The following TTC7A variants were observed in gnomAD, a reference collection of about 807,000 sequenced individuals.
The protein encoded by TTC7A is tetratricopeptide repeat protein 7A.
In TTC7A, 110 loss-of-function variants were observed where a neutral mutation model predicts 103.7. The ratio of observed to expected loss-of-function variants is 1.06; its 90% CI spans 0.91 to 1.24. TTC7A has a LOEUF of 1.24. Among genes scored for constraint, TTC7A ranks in the 50% most tolerant of loss-of-function variants. TTC7A has a pLI of 0.00. For missense variants in TTC7A, 1,340 were observed against 1,116.3 expected (o/e 1.20, Z -2.86); for synonymous variants, 521 against 467.9 (o/e 1.11, Z -1.47).
At chr2:46,920,592 A>G (rs1159633397) in intron 2 of TTC7A, among the ~76,000 whole-genome samples, 1 of 151,896 alleles carries the variant, frequency 6.6e-6, no homozygotes, top group Non-Finnish European at 1.5e-5. Flanking sequence ...CAGCCTCCCA[A>G]AGTGCTGAGA....
intron 3 of TTC7A, among the ~76,000 whole-genome samples, chr2:46,971,175 A>G (rs1458463081): frequency 6.6e-6 from 1 of 152,240 alleles, no homozygotes; most frequent in Non-Finnish European, 1.5e-5. Flanking sequence ...GAAGGAGCCT[A>G]CAGTCTGGGG....
chr2:47,054,542 A>C (rs979341849), intron 18 of TTC7A, among the ~76,000 whole-genome samples: 1 of 152,092 alleles, frequency 6.6e-6, no homozygotes, highest in Admixed American at 6.6e-5. Flanking sequence ...ATTAAAAGTC[A>C]GGGGATCAGG....
intron 19 of TTC7A, among the ~76,000 whole-genome samples, chr2:47,070,259 G>A (rs1376434410): frequency 1.3e-5 from 2 of 152,252 alleles, no homozygotes; most frequent in East Asian, 3.8e-4. Context: ...GATGACCTGG[G>A]TCCCACAGGG....
intron 18 of TTC7A, 57 bp from the exon 19 acceptor site, chr2:47,060,712 C>G: frequency 1.3e-6 from 2 of 1,513,130 alleles, no homozygotes; most frequent in South Asian, 2.5e-5. Context: ...GGGAGGGGGT[C>G]AGGATGCCTC....
chr2:47,061,296 A>G (rs113599859), intron 19 of TTC7A, among the ~76,000 whole-genome samples: 2 of 152,278 alleles, frequency 1.3e-5, no homozygotes, highest in East Asian at 1.9e-4. Context: ...AAAGGCTCTC[A>G]TTGTTAACCA....
intron 14 of TTC7A, among the ~76,000 whole-genome samples, chr2:47,027,195 G>A (rs565465505): frequency 6.6e-6 from 1 of 152,336 alleles, no homozygotes; most frequent in South Asian, 2.1e-4. Context: ...TGGGGGAGAG[G>A]ATTCCCTGCA....
At chr2:47,064,585 G>A (rs1684039242) in intron 19 of TTC7A, among the ~76,000 whole-genome samples, 1 of 152,200 alleles carries the variant, frequency 6.6e-6, no homozygotes, top group African/African-American at 2.4e-5. Context: ...ACTCCTCTTG[G>A]AGCTTATCTC....
At chr2:47,071,534 G>A (rs895236192) in intron 19 of TTC7A, among the ~76,000 whole-genome samples, 3 of 152,182 alleles carry the variant, frequency 2.0e-5, no homozygotes, top group Admixed American at 6.5e-5. Context: ...CAAGAGCCCC[G>A]CGAGGAAGGA....
intron 1 of TTC7A, 57 bp from the exon 2 acceptor site, chr2:46,950,302 ACTCC>A: frequency 6.3e-7 from 1 of 1,587,298 alleles, no homozygotes; most frequent in Admixed American, 1.7e-5. Flanking sequence ...GGAGTGTGCA[ACTCC>A]CTCCATTATC....
At chr2:47,006,203 C>G in intron 9 of TTC7A, 144 bp downstream of exon 9, 1 of 1,043,642 alleles carries the variant, frequency 9.6e-7, no homozygotes, top group Non-Finnish European at 1.4e-6. Context: ...TTGTACAAGT[C>G]TCAGCTTCCT....
chr2:47,004,080 C>T (rs1244188786), intron 8 of TTC7A, among the ~76,000 whole-genome samples: 1 of 152,228 alleles, frequency 6.6e-6, no homozygotes, highest in East Asian at 1.9e-4. Flanking sequence ...CTTTGGAGCT[C>T]CTGAGTGGCT....
Position 47,025,666 on chromosome 2 carries a change from C to T in TTC7A, c.1641+1307C>T, listed in dbSNP as rs531844005. On this transcript the variant is annotated intron_variant, in intron 14 of 19. Transcript: ENST00000319190. Reference sequence around the variant, plus strand: ...TGTCTCCCTCTCCAGGTTCTTCTGTCTCAACCATTTTCTCCCCAACGGCCC... The same window carrying T: ...TGTCTCCCTCTCCAGGTTCTTCTGTTTCAACCATTTTCTCCCCAACGGCCC... Among the ~76,000 whole-genome samples the T allele has an allele frequency of 3.9e-5, 6 of 152,318 alleles. No homozygotes were observed. The South Asian group carries it at 1.2e-3, about 32-fold the overall frequency.
At chr2:46,928,936 G>A (rs1669547483) in intron 2 of TTC7A, among the ~76,000 whole-genome samples, 1 of 152,198 alleles carries the variant, frequency 6.6e-6, no homozygotes, top group South Asian at 2.1e-4. Flanking sequence ...GCTGAGGTGG[G>A]TGGATTACTT....
chr2:46,966,907 T>TTC (rs1221859316), intron 3 of TTC7A, among the ~76,000 whole-genome samples: 1 of 151,396 alleles, frequency 6.6e-6, no homozygotes, highest in East Asian at 1.9e-4. Context: ...TTTGTTTTTT[T>TTC]TTTTTCCGTT....
intron 3 of TTC7A, among the ~76,000 whole-genome samples, chr2:46,974,319 A>G (rs1015569514): frequency 1.3e-5 from 2 of 152,262 alleles, no homozygotes; most frequent in African/African-American, 4.8e-5. Context: ...CAGGGTCTGC[A>G]TGACTTGCCT....
intron 1 of TTC7A, among the ~76,000 whole-genome samples, chr2:46,945,453 T>A (rs1324971332): frequency 1.3e-5 from 2 of 152,260 alleles, no homozygotes; most frequent in African/African-American, 4.8e-5. Flanking sequence ...TTTCACCATG[T>A]TGGCCAGGAT....
chr2:47,067,447 T>A (rs1296614112), intron 19 of TTC7A, among the ~76,000 whole-genome samples: 1 of 152,220 alleles, frequency 6.6e-6, no homozygotes, highest in East Asian at 1.9e-4. Context: ...TTGGCCCACA[T>A]TTCCTTGTGA....
intron 3 of TTC7A, among the ~76,000 whole-genome samples, chr2:46,962,765 C>G (rs1672499933): frequency 6.6e-6 from 1 of 152,202 alleles, no homozygotes; most frequent in South Asian, 2.1e-4. Context: ...CAGAAAAGGC[C>G]ATTTGTGAAG....
At chr2:47,024,224 C>T in intron 13 of TTC7A, 63 bp from the exon 14 acceptor site, 1 of 1,445,080 alleles carries the variant, frequency 6.9e-7, no homozygotes, top group Non-Finnish European at 9.5e-7. Context: ...TGCTGGAGGC[C>T]CGAGTCACAC....
Sources: allele counts gnomAD v4.1 joint callset (sites outside exome capture counted in the v4.1 genomes callset), GRCh38; gene constraint gnomAD v4.1.1; transcripts MANE v1.5; gene names NCBI Gene and HGNC (gene_info 2026-07-23, HGNC 2026-07-21).